SLC5A10: variants seen among roughly 807,000 people sequenced by gnomAD.
SLC5A10 encodes the protein sodium/mannose cotransporter SLC5A10.
In SLC5A10, 55 loss-of-function variants were observed where a neutral mutation model predicts 68.9. That is an observed-to-expected ratio of 0.80 (90% confidence interval 0.64 to 1.00). The LOEUF is 1.00. Ranked by LOEUF, SLC5A10 falls within the 50% of genes least tolerant of loss-of-function variation. The pLI is 0.00. For missense variants in SLC5A10, 732 were observed against 819.3 expected (o/e 0.89, Z 1.30); for synonymous variants, 344 against 344.8 (o/e 1.00, Z 0.02).
At position 18,972,397 on chromosome 17, in the gene SLC5A10, A is replaced by T. The variant is rs115631587; in HGVS notation, c.846+1179A>T. On this transcript the variant is annotated intron_variant, in intron 8 of 14. Transcript: ENST00000395645. ...CCTTTCCCACGTGGCCTACCCTGGGAGTAGGCCCGACCAGCTCCATTCATA... is the reference window on the plus strand; with the variant it reads ...CCTTTCCCACGTGGCCTACCCTGGGTGTAGGCCCGACCAGCTCCATTCATA... Among the ~76,000 whole-genome samples the T allele has an allele frequency of 5.0e-3, 755 of 152,288 alleles. 9 individuals are homozygous for T. Among genetic ancestry groups the T allele is most frequent in the African/African-American group, 0.016 (658 of 41,576 alleles).
chr17:18,979,843 C>A (rs1164727060), intron 9 of SLC5A10, among the ~76,000 whole-genome samples: 1 of 152,098 alleles, frequency 6.6e-6, no homozygotes, highest in Non-Finnish European at 1.5e-5. Flanking sequence ...GACTGCAGGG[C>A]TCAGGGTAAG....
In SLC5A10 at chr17:19,000,272, C is replaced by T. The variant is rs1162345315; in HGVS notation, c.983-13138C>T. 6.6e-6 allele frequency among the ~76,000 whole-genome samples: 1 copy of T among 152,174 alleles called. No homozygotes were observed. The highest frequency in any genetic ancestry group is 1.5e-5 in the Non-Finnish European group (1 of 68,024). ...TGCTGAGAGTGAGACCTGGGACCCA[C>T]CCGCCTCTTGTCCCAGGGGAGTCTA... On this transcript the variant is annotated intron_variant, in intron 9 of 14. Coordinates refer to ENST00000395645, the MANE Select transcript of SLC5A10 (RefSeq NM_001042450.4). This position sits in a 1 kb window ranked among gnomAD's most constrained non-coding sequence, Gnocchi z 5.2.
intron 2 of SLC5A10, among the ~76,000 whole-genome samples, 179 bp downstream of exon 2, chr17:18,958,932 C>T (rs913788288): frequency 4.6e-5 from 7 of 152,146 alleles, no homozygotes; most frequent in African/African-American, 1.7e-4. Context: ...GTGTAAGGGG[C>T]AGGGGCTATG....
intron 9 of SLC5A10, among the ~76,000 whole-genome samples, chr17:18,985,265 C>T (rs2043241596): frequency 6.6e-6 from 1 of 152,218 alleles, no homozygotes; most frequent in South Asian, 2.1e-4. Flanking sequence ...GATAAATGAC[C>T]ATGTCCCCAT....
rs182848962 is a variant in SLC5A10 at position 18,979,777 on chromosome 17, G to A, written c.982+2788G>A. ...AGGGCTCAGAGGGGACTCTGGAGTAGTCAGGAGGGGAAGAAAGAGGCTGTA... is the reference window on the plus strand; with the variant it reads ...AGGGCTCAGAGGGGACTCTGGAGTAATCAGGAGGGGAAGAAAGAGGCTGTA... On this transcript the variant is annotated intron_variant, in intron 9 of 14. Transcript: ENST00000395645. 2.1e-4 allele frequency: 278 copies of A among 1,312,066 alleles called. 1 individual carries two copies. In the East Asian group the frequency reaches 6.4e-3, roughly 30 times the overall value. 81.3% of individuals were successfully genotyped at this position (1,312,066 alleles called of 1,614,324 possible). A position where few individuals can be genotyped will look rare whatever the true frequency, so the allele number is the denominator to read the frequency against.
chr17:18,957,454 CATTTT>C (rs749150491), intron 1 of SLC5A10, among the ~76,000 whole-genome samples: 11 of 151,900 alleles, frequency 7.2e-5, no homozygotes, highest in African/African-American at 1.5e-4. Context: ...TCATTTTAAC[CATTTT>C]ATTTTATTTT....
intron 3 of SLC5A10, 104 bp from the exon 4 acceptor site, chr17:18,959,500 G>A (rs1432524562): frequency 3.1e-6 from 4 of 1,285,050 alleles, no homozygotes; most frequent in Non-Finnish European, 4.5e-6. Context: ...GGGGCTGGGG[G>A]AAGCCAGGCC....
At chr17:18,952,010 T>C (rs575229285), upstream of SLC5A10, 75 of 820,208 alleles carry the variant, frequency 9.1e-5, no homozygotes, top group East Asian at 9.8e-4. Context: ...CGCTCTGGGA[T>C]CTGCACCCCA....
rs113121074 is a variant in SLC5A10, at chr17:18,975,439, C to T, written c.847-1415C>T. Among the ~76,000 whole-genome samples, 661 of 152,326 alleles carry T rather than the reference C, an allele frequency of 4.3e-3. 3 individuals are homozygous for T. The highest frequency in any genetic ancestry group is 0.015 in the African/African-American group (629 of 41,560). The stretch of plus-strand genomic sequence containing the variant: ...ATGCGGTGGCTCACACCTGTAATCC[C>T]AGCACTTTGGGAGGCCGAGGCGGGC... On this transcript the variant is annotated intron_variant, in intron 8 of 14. Transcript: ENST00000395645.
chr17:18,962,587 A>C (rs911218027), intron 5 of SLC5A10, among the ~76,000 whole-genome samples: 1 of 152,114 alleles, frequency 6.6e-6, no homozygotes, highest in Non-Finnish European at 1.5e-5. Flanking sequence ...GAGATGAGGC[A>C]AGGGAGGTCT....
Position 18,971,366 on chromosome 17 carries a change from T to A in SLC5A10, c.846+148T>A. On this transcript the variant is annotated intron_variant, in intron 8 of 14. Transcript: ENST00000395645. The surrounding 1 kb of genome is among the most constrained non-coding windows in gnomAD (Gnocchi z 5.5). Reference sequence around the variant, plus strand: ...CCAGGCTGGGACATGCTGCTAGGGGTCTTTGCGGTCCCGGGGGGCTTGAGC... The same window carrying A: ...CCAGGCTGGGACATGCTGCTAGGGGACTTTGCGGTCCCGGGGGGCTTGAGC... 6.4e-7 allele frequency: 1 copy of A among 1,553,812 alleles called. No homozygotes were observed. The highest frequency in any genetic ancestry group is 8.6e-7 in the Non-Finnish European group (1 of 1,156,576).
Position 19,004,201 on chromosome 17 carries a change from C to G in SLC5A10, c.983-9209C>G, listed in dbSNP as rs1299678403. On this transcript the variant is annotated intron_variant, in intron 9 of 14. Transcript: ENST00000395645. The surrounding 1 kb of genome is among the most constrained non-coding windows in gnomAD (Gnocchi z 5.4). ...GAAAGACCTGATGAGCCCGGCTCGG[C>G]GGGGAGGGCGGGCCGCGCGGGGAGG... 11 of 188,800 alleles carry G rather than the reference C, an allele frequency of 5.8e-5. No homozygotes were observed. The highest frequency in any genetic ancestry group is 2.0e-3 in the Middle Eastern group (1 of 504). The allele number at this position is 188,800 out of a possible 1,614,324, so 11.7% of individuals were successfully genotyped here.
intron 1 of SLC5A10, among the ~76,000 whole-genome samples, chr17:18,956,337 T>C (rs938361125): frequency 1.3e-5 from 2 of 151,888 alleles, no homozygotes; most frequent in Admixed American, 6.6e-5. Context: ...GAAAGAGACC[T>C]GCATATTGAT....
At chr17:18,977,749 G>T in intron 9 of SLC5A10, 1 of 1,605,354 alleles carries the variant, frequency 6.2e-7, no homozygotes, top group East Asian at 2.2e-5. Context: ...GGGTTGGCCC[G>T]TTGGCCACTT....
chr17:18,971,318 C>T lies in SLC5A10; in HGVS notation c.846+100C>T. 6.2e-7 allele frequency: 1 copy of T among 1,607,050 alleles called. No individual in the cohort carries two copies. On this transcript the variant is annotated intron_variant, in intron 8 of 14. Coordinates refer to ENST00000395645, the MANE Select transcript of SLC5A10 (RefSeq NM_001042450.4). This position sits in a 1 kb window ranked among gnomAD's most constrained non-coding sequence, Gnocchi z 5.5. Reference sequence around the variant, plus strand: ...CTGCCCTCCGCGTCATGAGTCTGGGCTGGGGCCTCAGAAGGTGTGGCTCCA... The same window carrying T: ...CTGCCCTCCGCGTCATGAGTCTGGGTTGGGGCCTCAGAAGGTGTGGCTCCA...
chr17:18,969,360 T>A lies in SLC5A10; in HGVS notation c.578T>A (p.Ile193Asn). ...CTGGCAGGGGGCCTGGCTGCTGTAA[T>A]CTACACGGACGCCCTGCAGACGCTC... ...YTIAGGLAAV[I>N]YTDALQTLIM... Residue 193 changes from isoleucine to asparagine, a missense_variant, in exon 7 of 15, where the codon ATC (isoleucine) becomes AAC (asparagine). Transcript: ENST00000395645. 6.2e-7 allele frequency: 1 copy of A among 1,613,608 alleles called. No individual in the cohort carries two copies. Among genetic ancestry groups the A allele is most frequent in the Non-Finnish European group, 8.5e-7 (1 of 1,180,004 alleles).
intron 9 of SLC5A10, among the ~76,000 whole-genome samples, chr17:18,981,330 G>A (rs995575051): frequency 4.6e-5 from 7 of 152,140 alleles, no homozygotes; most frequent in Non-Finnish European, 8.8e-5. Context: ...GAGGAGGGGT[G>A]GGTGATGGAG....
At chr17:18,988,400 G>T in intron 9 of SLC5A10, 1 of 1,614,118 alleles carries the variant, frequency 6.2e-7, no homozygotes, top group South Asian at 1.1e-5. Flanking sequence ...ACATGTCCAT[G>T]ACCACAGCTA....
At chr17:18,978,774 G>A (rs200114724) in intron 9 of SLC5A10, 181 of 1,612,842 alleles carry the variant, frequency 1.1e-4, no homozygotes, top group Admixed American at 1.1e-3. Flanking sequence ...TGGAACTGCC[G>A]GTCAAACATC....
Sources: allele counts gnomAD v4.1 joint callset (sites outside exome capture counted in the v4.1 genomes callset), GRCh38; gene constraint gnomAD v4.1.1; non-coding constraint Gnocchi (gnomAD v3.1); transcripts MANE v1.5; gene names NCBI Gene and HGNC (gene_info 2026-07-23, HGNC 2026-07-21).